Variants in TXNRD2 observed in about 807,000 individuals in gnomAD.
The protein encoded by TXNRD2 is thioredoxin reductase 2, mitochondrial.
In TXNRD2, 67 loss-of-function variants were observed where a neutral mutation model predicts 70.8. That is an observed-to-expected ratio of 0.95 (90% CI 0.78 to 1.16). The LOEUF (loss-of-function observed/expected upper bound fraction) is 1.16, where lower values mean the gene tolerates loss of function less well. Among genes scored for constraint, TXNRD2 ranks in the 50% most tolerant of loss-of-function variants. TXNRD2 has a pLI of 0.00. For synonymous variants in TXNRD2, 301 were observed against 295.8 expected, an observed-to-expected ratio of 1.02 and a Z score of -0.18; for missense variants, 644 against 719.9, an observed-to-expected ratio of 0.89 and a Z score of 1.21.
intron 14 of TXNRD2, among the ~76,000 whole-genome samples, chr22:19,878,694 C>G (rs962381456): frequency 2.0e-5 from 3 of 152,226 alleles, no homozygotes; most frequent in African/African-American, 4.8e-5. Context: ...CTGGGACCCC[C>G]GTAAACCACA....
At chr22:19,895,168 C>T (rs777938821) in intron 11 of TXNRD2, 18 of 1,598,294 alleles carry the variant, frequency 1.1e-5, no homozygotes, top group East Asian at 4.5e-5. Flanking sequence ...GCATGTCCCA[C>T]GGTGGTGGGG....
At chr22:19,928,894 T>C (rs967860548) in intron 2 of TXNRD2, among the ~76,000 whole-genome samples, 1 of 151,346 alleles carries the variant, frequency 6.6e-6, no homozygotes, top group African/African-American at 2.4e-5. Flanking sequence ...TAATCCTAGC[T>C]ACTCAGGAGG....
intron 12 of TXNRD2, chr22:19,881,199 T>C (rs1364033532): frequency 2.5e-6 from 1 of 405,714 alleles, no homozygotes; most frequent in Non-Finnish European, 4.3e-6. Context: ...AGAATGTCGC[T>C]GTGCTGGAGA....
At chr22:19,881,878 A>G (rs1938795823) in intron 12 of TXNRD2, among the ~76,000 whole-genome samples, 1 of 152,234 alleles carries the variant, frequency 6.6e-6, no homozygotes, top group African/African-American at 2.4e-5. Flanking sequence ...ATGGAGCCAC[A>G]TGCTCTGTCC....
chr22:19,886,693 T>C (rs1198081301), intron 11 of TXNRD2, among the ~76,000 whole-genome samples: 6 of 152,258 alleles, frequency 3.9e-5, no homozygotes, highest in Non-Finnish European at 7.3e-5. Flanking sequence ...TGCTCAGAGC[T>C]TTCCCAGCTG....
In TXNRD2 at chr22:19,879,526, G is replaced by C. The variant is rs73148957; in HGVS notation, c.1275+653C>G. Among the ~76,000 whole-genome samples, 387 of 144,172 alleles carry C rather than the reference G, an allele frequency of 2.7e-3. 1 individual carries two copies. Among genetic ancestry groups the C allele is most frequent in the Non-Finnish European group, 4.8e-3 (317 of 65,520 alleles). The allele number at this position is 144,172 out of a possible 152,430, so 94.6% of individuals were successfully genotyped here. A position where few individuals can be genotyped will look rare whatever the true frequency, so the allele number is the denominator to read the frequency against. Reference sequence around the variant, plus strand: ...CTGAGCCTGGAAGAAGCTGGAAGAGGATGGGTATCAGGATGTGGTGGGGGG... The same window carrying C: ...CTGAGCCTGGAAGAAGCTGGAAGAGCATGGGTATCAGGATGTGGTGGGGGG... On this transcript the variant is annotated intron_variant, in intron 14 of 17. Transcript: ENST00000400521.
intron 1 of TXNRD2, among the ~76,000 whole-genome samples, chr22:19,932,852 T>C (rs982570379): frequency 6.6e-6 from 1 of 152,190 alleles, no homozygotes; most frequent in Non-Finnish European, 1.5e-5. Flanking sequence ...GAGCCTAGCG[T>C]CTGCCATGAG....
chr22:19,895,032 A>AT (rs1172802635), intron 11 of TXNRD2: 1 of 1,554,672 alleles, frequency 6.4e-7, no homozygotes, highest in Non-Finnish European at 8.6e-7. Context: ...GACAAGTAGG[A>AT]TTTATGTGCT....
Position 19,915,821 on chromosome 22 carries a change from T to G in TXNRD2, c.472A>C (p.Lys158Gln). Residue 158 changes from lysine (K) to glutamine (Q), a missense_variant, in exon 6 of 18, where the codon AAA becomes CAA. This residue lies in a region of TXNRD2 where 566 missense variants were observed against 645.0 expected (regional missense o/e 0.88). Transcript: ENST00000400521. The stretch of plus-strand genomic sequence containing the variant: ...GTGTGCTCGTCAACAAAGCTGGCTT[T>G]GATGTTAAAGTACTTGACTTTTCTG... Reference protein sequence around the residue: ...QDRKVKYFNIKASFVDEHTVC... With the variant: ...QDRKVKYFNIQASFVDEHTVC... 6.2e-7 allele frequency: 1 copy of G among 1,614,166 alleles called. No homozygotes were observed. The highest frequency in any genetic ancestry group is 1.6e-4 in the Middle Eastern group (1 of 6,062).
At position 19,880,992 on chromosome 22, in the gene TXNRD2, C is replaced by T. The variant is rs567886067; in HGVS notation, c.1087-275G>A. 8.6e-6 allele frequency: 5 copies of T among 581,390 alleles called. No homozygotes were observed. In the Admixed American group the frequency reaches 1.5e-4, roughly 18 times the overall value. The allele number at this position is 581,390 out of a possible 1,614,324, so 36.0% of individuals were successfully genotyped here. ...GATGAGGCTGGCCGTGCCACCCTCA[C>T]ATGCTCAAGCCTTCTCTCCAAACCC... On this transcript the variant is annotated intron_variant, in intron 12 of 17. Coordinates refer to ENST00000400521, the MANE Select transcript of TXNRD2 (RefSeq NM_006440.5).
chr22:19,909,558 C>T (rs1250788516), intron 8 of TXNRD2, among the ~76,000 whole-genome samples: 1 of 130,876 alleles, frequency 7.6e-6, no homozygotes, highest in Non-Finnish European at 1.7e-5. Flanking sequence ...CACTCACACA[C>T]TACTCACATA....
intron 12 of TXNRD2, among the ~76,000 whole-genome samples, chr22:19,882,783 G>A (rs538172339): frequency 5.3e-4 from 81 of 152,338 alleles, no homozygotes; most frequent in African/African-American, 1.8e-3. Flanking sequence ...GAGGGCTCCA[G>A]AGCCCCCACC....
chr22:19,883,950 A>AAG (rs200781717), intron 11 of TXNRD2: 2,512 of 154,430 alleles, frequency 0.016, 80 homozygotes, highest in African/African-American at 0.057. Flanking sequence ...GTCTCAAAAA[A>AAG]AAAAAAAGAA....
In TXNRD2 at chr22:19,934,278, G is replaced by A. The variant is rs1396665855; in HGVS notation, c.104-3180C>T. 2.6e-5 allele frequency among the ~76,000 whole-genome samples: 4 copies of A among 151,918 alleles called. No homozygotes were observed. In the East Asian group the frequency reaches 5.8e-4, roughly 22 times the overall value. On this transcript the variant is annotated intron_variant, in intron 1 of 17. Transcript: ENST00000400521. Reference sequence around the variant, plus strand: ...GGCCCACAGTCCCAGCTACTAGGGAGGCTGAGGCTGGAGGGTGAGTTGAAC... The same window carrying A: ...GGCCCACAGTCCCAGCTACTAGGGAAGCTGAGGCTGGAGGGTGAGTTGAAC...
intron 1 of TXNRD2, among the ~76,000 whole-genome samples, chr22:19,936,522 C>T (rs932537949): frequency 6.6e-6 from 1 of 152,150 alleles, no homozygotes; most frequent in Non-Finnish European, 1.5e-5. Flanking sequence ...CGGAGCCATC[C>T]AAACTACAAT....
At chr22:19,931,121 G>A in intron 1 of TXNRD2, 23 bp from the exon 2 acceptor site, 1 of 1,610,270 alleles carries the variant, frequency 6.2e-7, no homozygotes. Context: ...ATGAGAGGTG[G>A]GACGGACTGT....
chr22:19,934,349 C>T (rs1941466478), intron 1 of TXNRD2, among the ~76,000 whole-genome samples: 1 of 143,876 alleles, frequency 7.0e-6, no homozygotes, highest in African/African-American at 2.6e-5. Context: ...CCACTGCACT[C>T]CAGCCTGGTT....
intron 11 of TXNRD2, among the ~76,000 whole-genome samples, chr22:19,888,130 C>T (rs1421170626): frequency 3.9e-5 from 6 of 152,350 alleles, no homozygotes; most frequent in South Asian, 2.1e-4. Context: ...CTCTGCAGCC[C>T]GGAGCTGCCT....
intron 4 of TXNRD2, 30 bp from the exon 5 acceptor site, chr22:19,918,247 C>T: frequency 6.3e-7 from 1 of 1,598,656 alleles, no homozygotes; most frequent in Non-Finnish European, 8.6e-7. Flanking sequence ...AATGTAAAAT[C>T]CACAACACAG....
Sources: gnomAD v4.1 joint callset for allele counts (sites outside exome capture counted in the v4.1 genomes callset) on GRCh38, gnomAD v4.1.1 for gene constraint, gnomAD v4.1.1 regional missense constraint, MANE v1.5 for transcripts, NCBI Gene and HGNC (gene_info 2026-07-23, HGNC 2026-07-21) for gene names.